SYNE2: variants seen among roughly 807,000 people sequenced by gnomAD.
The protein encoded by SYNE2 is spectrin repeat containing nuclear envelope protein 2.
SYNE2 carries 431 observed loss-of-function variants against 856.3 expected under a neutral mutation model. The observed-to-expected ratio is 0.50, with a 90% confidence interval of 0.47 to 0.55. The LOEUF is 0.55. Ranked by LOEUF, SYNE2 falls within the 20% of genes least tolerant of loss-of-function variation. The pLI, the probability that SYNE2 is intolerant of heterozygous loss-of-function variation, is 0.00. For synonymous variants in SYNE2, 2,923 were observed against 2,872.3 expected (o/e 1.02, Z -0.56); for missense variants, 8,129 against 8,023.2 (o/e 1.01, Z -0.50).
intron 21 of SYNE2, 21 bp from the exon 22 acceptor site, chr14:63,993,814 T>G: frequency 1.9e-6 from 3 of 1,554,710 alleles, no homozygotes; most frequent in Non-Finnish European, 2.6e-6. Flanking sequence ...TGATTTTGTT[T>G]GCAATTTTTT....
chr14:64,119,608 A>G lies in SYNE2; in HGVS notation c.13022A>G (p.Gln4341Arg), dbSNP rs773368959. The G allele has an allele frequency of 3.1e-6, 5 of 1,614,096 alleles. No individual in the cohort carries two copies. The East Asian group carries it at 8.9e-5, about 29-fold the overall frequency. The change falls in exon 67 of 116, where the codon CAG becomes CGG. Residue 4341 changes from glutamine (Q) to arginine (R), a missense_variant and splice_region_variant. By Grantham distance (43) the Gln-to-Arg change is conservative. Transcript: ENST00000555002. ...MMLQEKHSEDQHPTILKKSSE... is the reference protein window; with the variant it reads ...MMLQEKHSEDRHPTILKKSSE... ...CTTCAGGAGAAGCACAGTGAAGATC[A>G]GGTAAAAAATGACTATCTATGGACA... is the stretch of plus-strand genomic sequence containing the variant.
At chr14:64,080,697 G>C in intron 56 of SYNE2, 59 bp downstream of exon 56, 1 of 1,584,944 alleles carries the variant, frequency 6.3e-7, no homozygotes, top group South Asian at 1.1e-5. Flanking sequence ...TGGTGTTAAA[G>C]CAAAACAATA....
At chr14:64,100,194 A>G (rs2097709688) in intron 63 of SYNE2, 1 of 152,056 alleles carries the variant, frequency 6.6e-6, no homozygotes, top group East Asian at 1.9e-4. Flanking sequence ...CATGGATGAA[A>G]TTGAAAATCA....
intron 6 of SYNE2, among the ~76,000 whole-genome samples, chr14:63,948,104 A>G (rs1461668766): frequency 1.3e-5 from 2 of 151,992 alleles, no homozygotes; most frequent in African/African-American, 2.4e-5. Flanking sequence ...TATAAATTTT[A>G]TGAATAACTT....
intron 1 of SYNE2, among the ~76,000 whole-genome samples, chr14:63,814,733 C>CAT (rs1182169496): frequency 4.0e-5 from 4 of 100,356 alleles, no homozygotes; most frequent in Admixed American, 1.1e-4. Context: ...TATATATATC[C>CAT]ATATATATAT....
At chr14:64,039,019 G>A (rs2097126812) in intron 45 of SYNE2, among the ~76,000 whole-genome samples, 1 of 152,182 alleles carries the variant, frequency 6.6e-6, no homozygotes, top group Admixed American at 6.5e-5. Flanking sequence ...AGGTGTGGCT[G>A]GCTGTGCCTT....
At chr14:63,933,701 T>G (rs2095794873) in intron 2 of SYNE2, among the ~76,000 whole-genome samples, 1 of 152,234 alleles carries the variant, frequency 6.6e-6, no homozygotes, top group Admixed American at 6.5e-5. Context: ...CCCTTAGCTT[T>G]TTTACAGAAT....
At chr14:64,034,615 T>C (rs753170814) in intron 45 of SYNE2, 1 of 500,830 alleles carries the variant, frequency 2.0e-6, no homozygotes, top group South Asian at 3.4e-5. Context: ...ATCTGGACCT[T>C]TGGTTGACCT....
At chr14:63,987,326 C>G (rs1301296369) in intron 19 of SYNE2, among the ~76,000 whole-genome samples, 42 of 152,134 alleles carry the variant, frequency 2.8e-4, no homozygotes, top group Non-Finnish European at 4.4e-5. Flanking sequence ...ACTCTCCTTT[C>G]CTTACTCAAT....
intron 1 of SYNE2, among the ~76,000 whole-genome samples, chr14:63,765,332 T>C (rs912443681): frequency 6.6e-6 from 1 of 152,168 alleles, no homozygotes; most frequent in African/African-American, 2.4e-5. Context: ...CTCAAATTCA[T>C]ACTCATATGC....
chr14:63,810,235 AGAG>A (rs369898220), intron 1 of SYNE2, among the ~76,000 whole-genome samples: 140 of 149,592 alleles, frequency 9.4e-4, no homozygotes, highest in African/African-American at 3.2e-3. Context: ...AAAAAAAAAA[AGAG>A]AGAGAGAGAG....
chr14:63,924,707 G>C (rs1479112697), intron 2 of SYNE2, among the ~76,000 whole-genome samples: 1 of 151,690 alleles, frequency 6.6e-6, no homozygotes, highest in Admixed American at 6.6e-5. Flanking sequence ...TATTTAGCTT[G>C]TATCTTGCAG....
chr14:64,217,564 A>T (rs1199277402), intron 108 of SYNE2, among the ~76,000 whole-genome samples: 2 of 152,190 alleles, frequency 1.3e-5, no homozygotes, highest in Non-Finnish European at 1.5e-5. Context: ...TGTCATTTTT[A>T]AAAAGAATAA....
At chr14:63,888,967 C>T (rs528435330) in intron 1 of SYNE2, among the ~76,000 whole-genome samples, 6 of 149,216 alleles carry the variant, frequency 4.0e-5, no homozygotes, top group African/African-American at 1.2e-4. Flanking sequence ...TTTGGGAGGC[C>T]GAGGTGGGTG....
At chr14:63,876,139 G>T (rs370577325) in intron 1 of SYNE2, among the ~76,000 whole-genome samples, 1 of 151,930 alleles carries the variant, frequency 6.6e-6, no homozygotes, top group African/African-American at 2.4e-5. Flanking sequence ...TCGGCTGGAC[G>T]TGGTGGCTCA....
Position 63,967,814 on chromosome 14 carries a change from T to G in SYNE2, c.1096T>G (p.Leu366Val). The G allele has an allele frequency of 6.2e-7, 1 of 1,614,126 alleles. No individual in the cohort carries two copies. The highest frequency in any genetic ancestry group is 8.5e-7 in the Non-Finnish European group (1 of 1,179,984). ...TGAGCTGGACAAGGATCATTTACAG[T>G]TGAGAGAAGCCTGGGATGGCCTCGA... ...LDELDKDHLQLREAWDGLDHQ... is the reference protein window; with the variant it reads ...LDELDKDHLQVREAWDGLDHQ... The change falls in exon 11 of 116, where the codon TTG becomes GTG. Residue 366 changes from leucine to valine, a missense_variant. This residue lies in a region of SYNE2 where 2,422 missense variants were observed against 2,357.4 expected (regional missense o/e 1.03). Coordinates refer to ENST00000555002, the MANE Select transcript of SYNE2 (RefSeq NM_182914.3).
Position 63,898,110 on chromosome 14 carries a change from A to G in SYNE2, c.-51-10988A>G, listed in dbSNP as rs577457585. On this transcript the variant is annotated intron_variant, in intron 1 of 115. Coordinates refer to ENST00000555002, the MANE Select transcript of SYNE2 (RefSeq NM_182914.3). ...GTATTTCCTAATGTATGCAAACCGT[A>G]ATCATTCTTCAGCCTCACTGAGACA... 3.7e-3 allele frequency among the ~76,000 whole-genome samples: 558 copies of G among 152,282 alleles called. 2 individuals are homozygous for G. The highest frequency in any genetic ancestry group is 5.8e-3 in the Non-Finnish European group (397 of 68,028).
intron 92 of SYNE2, among the ~76,000 whole-genome samples, chr14:64,168,309 G>A (rs2098392947): frequency 6.6e-6 from 1 of 152,144 alleles, no homozygotes. Context: ...CACCATGTTG[G>A]CCAGGCTGGT....
chr14:63,942,231 A>G lies in SYNE2; in HGVS notation c.408+88A>G, dbSNP rs1161150396. 3 of 817,478 alleles carry G rather than the reference A, an allele frequency of 3.7e-6. No homozygotes were observed. The African/African-American group carries it at 5.1e-5, about 14-fold the overall frequency. 50.6% of individuals were successfully genotyped at this position (817,478 alleles called of 1,614,324 possible). A position where few individuals can be genotyped will look rare whatever the true frequency, so the allele number is the denominator to read the frequency against. ...CAATAAGTGTGAGTGGACTAGATTC[A>G]GTCCTGAGCTTCTCCTATAAATAGG... On this transcript the variant is annotated intron_variant, in intron 6 of 115. Transcript: ENST00000555002.
Sources: allele counts gnomAD v4.1 joint callset (sites outside exome capture counted in the v4.1 genomes callset), GRCh38; gene constraint gnomAD v4.1.1; regional missense constraint gnomAD v4.1.1; transcripts MANE v1.5; gene names NCBI Gene and HGNC (gene_info 2026-07-23, HGNC 2026-07-21).